Variants in THSD7A observed in about 807,000 individuals in gnomAD.
The protein encoded by THSD7A is thrombospondin type 1 domain containing 7A, also known as thrombospondin type-1 domain-containing protein 7A.
A neutral mutation model predicts 231.3 loss-of-function variants in THSD7A; 96 were observed. That is an observed-to-expected ratio of 0.41 (90% CI 0.35 to 0.49). The LOEUF is 0.49. THSD7A is among the 20% of genes least tolerant of loss of function. The pLI is 0.05. For synonymous variants in THSD7A, 940 were observed against 743.3 expected (o/e 1.26, Z -4.30); for missense variants, 2,290 against 2,070.2 (o/e 1.11, Z -2.06).
chr7:11,559,402 G>A (rs1789986028), intron 4 of THSD7A, among the ~76,000 whole-genome samples: 1 of 152,060 alleles, frequency 6.6e-6, no homozygotes, highest in Non-Finnish European at 1.5e-5. Flanking sequence ...TAAGTTGGTG[G>A]AGGGTTATAA....
At chr7:11,762,981 C>A (rs1460973689) in intron 1 of THSD7A, among the ~76,000 whole-genome samples, 1 of 151,964 alleles carries the variant, frequency 6.6e-6, no homozygotes, top group Non-Finnish European at 1.5e-5. Flanking sequence ...AATAAAAGAG[C>A]CCCAATAGCC....
At chr7:11,561,000 C>G (rs1052764932) in intron 4 of THSD7A, among the ~76,000 whole-genome samples, 10 of 152,124 alleles carry the variant, frequency 6.6e-5, no homozygotes, top group African/African-American at 2.4e-5. Flanking sequence ...TCTTATAAAA[C>G]CCATGAGGTA....
intron 6 of THSD7A, among the ~76,000 whole-genome samples, chr7:11,527,964 G>C (rs897915737): frequency 6.6e-6 from 1 of 152,022 alleles, no homozygotes; most frequent in Non-Finnish European, 1.5e-5. Context: ...ACCATCTCGG[G>C]CCATAGAGTA....
intron 6 of THSD7A, among the ~76,000 whole-genome samples, chr7:11,489,070 C>T (rs1038155729): frequency 1.3e-5 from 2 of 152,110 alleles, no homozygotes; most frequent in East Asian, 3.8e-4. Context: ...GTTCACTCAC[C>T]TTTACTTCCA....
intron 23 of THSD7A, among the ~76,000 whole-genome samples, chr7:11,394,066 C>T (rs113609078): frequency 9.2e-5 from 14 of 151,730 alleles, no homozygotes; most frequent in Admixed American, 3.3e-4. Flanking sequence ...CATAATCATC[C>T]GATTCACAAA....
chr7:11,592,643 A>C (rs1197855187), intron 3 of THSD7A, among the ~76,000 whole-genome samples: 1 of 152,154 alleles, frequency 6.6e-6, no homozygotes, highest in Non-Finnish European at 1.5e-5. Context: ...CAAGCAAAAA[A>C]CCCAACCCTT....
At chr7:11,432,864 A>T (rs1784522047) in intron 13 of THSD7A, among the ~76,000 whole-genome samples, 1 of 150,680 alleles carries the variant, frequency 6.6e-6, no homozygotes, top group Non-Finnish European at 1.5e-5. Flanking sequence ...TGGTATGTAT[A>T]TTATATTATC....
intron 4 of THSD7A, among the ~76,000 whole-genome samples, chr7:11,579,308 G>T (rs964173731): frequency 1.1e-4 from 16 of 152,250 alleles, no homozygotes; most frequent in African/African-American, 3.8e-4. Flanking sequence ...AGCAAGGCAG[G>T]GAACAACCAG....
intron 4 of THSD7A, among the ~76,000 whole-genome samples, chr7:11,579,706 T>G (rs1791074904): frequency 1.3e-5 from 2 of 152,260 alleles, no homozygotes; most frequent in African/African-American, 4.8e-5. Context: ...AGCTCAGGGA[T>G]CTAAAACTGG....
intron 1 of THSD7A, among the ~76,000 whole-genome samples, chr7:11,698,024 T>A (rs551833835): frequency 2.4e-4 from 36 of 151,484 alleles, no homozygotes; most frequent in Non-Finnish European, 5.2e-4. Flanking sequence ...TTTTACTGTA[T>A]AATTATAATC....
rs1583928774 is a variant in THSD7A at position 11,537,764 on chromosome 7, G to T, written c.1822+3655C>A. 3.3e-5 allele frequency among the ~76,000 whole-genome samples: 5 copies of T among 152,262 alleles called. No homozygotes were observed. The South Asian group carries it at 1.0e-3, about 32-fold the overall frequency. ...AGCCGAACACAGTCAACTTCCCCCA[G>T]GTGTTTTCAAAGCCAGTTCTTTTGA... On this transcript the variant is annotated intron_variant, in intron 6 of 27. Coordinates refer to ENST00000423059, the MANE Select transcript of THSD7A (RefSeq NM_015204.3).
rs1194182886 is a variant in THSD7A at position 11,480,758 on chromosome 7, C to T, written c.2017+1030G>A. ...GCACAGTTGTTACACACACAGATAG[C>T]AAATTTGACTAGGAACACTATGTTT... On this transcript the variant is annotated intron_variant, in intron 7 of 27. Transcript: ENST00000423059. Among the ~76,000 whole-genome samples the T allele has an allele frequency of 2.0e-5, 3 of 151,952 alleles. No individual in the cohort carries two copies. The East Asian group carries it at 5.8e-4, about 29-fold the overall frequency.
At chr7:11,793,589 A>G (rs1210223674) in intron 1 of THSD7A, among the ~76,000 whole-genome samples, 2 of 151,868 alleles carry the variant, frequency 1.3e-5, no homozygotes, top group Non-Finnish European at 2.9e-5. Context: ...AATGAAAAAA[A>G]TGAAGAAACA....
At chr7:11,428,512 A>G (rs1215823929) in intron 14 of THSD7A, among the ~76,000 whole-genome samples, 1 of 152,188 alleles carries the variant, frequency 6.6e-6, no homozygotes, top group Non-Finnish European at 1.5e-5. Flanking sequence ...TTAAATAAAC[A>G]GTATATATTT....
At chr7:11,656,886 G>C (rs1351746406) in intron 1 of THSD7A, among the ~76,000 whole-genome samples, 1 of 151,760 alleles carries the variant, frequency 6.6e-6, no homozygotes, top group East Asian at 1.9e-4. Flanking sequence ...AAAAACAAAG[G>C]ACAAACATTT....
chr7:11,802,635 T>C (rs951228505), intron 1 of THSD7A, among the ~76,000 whole-genome samples: 1 of 152,198 alleles, frequency 6.6e-6, no homozygotes, highest in Non-Finnish European at 1.5e-5. Context: ...AATCTGTGTG[T>C]TTTTAAGCAA....
chr7:11,820,686 G>A (rs1784849258), intron 1 of THSD7A: 2 of 866,412 alleles, frequency 2.3e-6, no homozygotes, highest in Non-Finnish European at 4.0e-6. Flanking sequence ...TTAGTCCCCA[G>A]TCTCGATGTC....
At chr7:11,653,567 T>C (rs1357020361) in intron 1 of THSD7A, among the ~76,000 whole-genome samples, 5 of 151,108 alleles carry the variant, frequency 3.3e-5, no homozygotes, top group African/African-American at 4.9e-5. Context: ...GGTGCAATCA[T>C]AGCACGTTAC....
intron 1 of THSD7A, among the ~76,000 whole-genome samples, chr7:11,720,194 C>G (rs774894874): frequency 6.6e-6 from 1 of 151,786 alleles, no homozygotes; most frequent in Non-Finnish European, 1.5e-5. Flanking sequence ...GCTCACACAG[C>G]CATTCTCTAC....
Sources: allele counts gnomAD v4.1 joint callset (sites outside exome capture counted in the v4.1 genomes callset), GRCh38; gene constraint gnomAD v4.1.1; transcripts MANE v1.5; gene names NCBI Gene and HGNC (gene_info 2026-07-23, HGNC 2026-07-21).